LPP: variants seen among roughly 807,000 people sequenced by gnomAD.
LPP encodes LIM domain containing preferred translocation partner in lipoma, also known as lipoma-preferred partner.
LPP carries 38 observed loss-of-function variants against 60.4 expected under a neutral mutation model. The ratio of observed to expected loss-of-function variants is 0.63; its 90% CI spans 0.49 to 0.83. The LOEUF is 0.83. LPP is among the 40% of genes least tolerant of loss of function. The pLI is 0.00. For synonymous variants in LPP, 328 were observed against 290.8 expected (o/e 1.13, Z -1.30); for missense variants, 902 against 783.6 (o/e 1.15, Z -1.80).
Position 188,483,567 on chromosome 3 carries a change from C to CA in LPP, c.194-1024dup, listed in dbSNP as rs1380393146. On this transcript the variant is annotated intron_variant, in intron 4 of 11. Coordinates refer to ENST00000617246, the MANE Select transcript of LPP (RefSeq NM_001375462.1). ...GGTAGAAGTTTCTGTTTCCCCAATA[C>CA]AGTTTTTTGCAGACTATTTAAAAAG... Among the ~76,000 whole-genome samples the CA allele has an allele frequency of 2.0e-5, 3 of 152,164 alleles. No homozygotes were observed. The South Asian group carries it at 6.2e-4, about 32-fold the overall frequency.
At chr3:188,796,689 C>T (rs73888905) in intron 9 of LPP, among the ~76,000 whole-genome samples, 2,825 of 152,226 alleles carry the variant, frequency 0.019, 84 homozygotes, top group African/African-American at 0.063. Context: ...AATAGGAGCC[C>T]AGTCTGCATT....
rs117152915 is a variant in LPP, at chr3:188,212,420, G to A, written c.-189-12985G>A. ...AGGGTTGAGAATCCACTTCTTTAGC[G>A]GTTAATAATTTACTCCGAGTAAGGA... is the stretch of plus-strand genomic sequence containing the variant. On this transcript the variant is annotated intron_variant, in intron 1 of 11. Transcript: ENST00000617246. Among the ~76,000 whole-genome samples the A allele has an allele frequency of 3.0e-4, 46 of 152,210 alleles. No individual in the cohort carries two copies. The East Asian group carries it at 6.0e-3, about 20-fold the overall frequency.
chr3:188,520,398 C>T (rs1818546812), intron 5 of LPP, among the ~76,000 whole-genome samples: 1 of 152,196 alleles, frequency 6.6e-6, no homozygotes, highest in Non-Finnish European at 1.5e-5. Flanking sequence ...ACTTTCTGTG[C>T]CGGGCCTTCT....
At chr3:188,717,605 A>G (rs948697052) in intron 8 of LPP, among the ~76,000 whole-genome samples, 1 of 152,038 alleles carries the variant, frequency 6.6e-6, no homozygotes, top group African/African-American at 2.4e-5. Context: ...GTTTCTCTCT[A>G]ACTTTTTGTT....
At chr3:188,720,592 AT>A (rs934582810) in intron 8 of LPP, among the ~76,000 whole-genome samples, 3 of 151,468 alleles carry the variant, frequency 2.0e-5, no homozygotes, top group African/African-American at 7.3e-5. Flanking sequence ...AAAGCAAAAA[AT>A]ATCCGAGGCA....
At chr3:188,755,132 A>G (rs1729712710) in intron 8 of LPP, among the ~76,000 whole-genome samples, 1 of 152,248 alleles carries the variant, frequency 6.6e-6, no homozygotes, top group Admixed American at 6.5e-5. Flanking sequence ...ATTGGCATAT[A>G]GAGCTTCAGT....
At chr3:188,804,789 A>G (rs928768846) in intron 9 of LPP, among the ~76,000 whole-genome samples, 2 of 152,030 alleles carry the variant, frequency 1.3e-5, no homozygotes, top group African/African-American at 4.8e-5. Flanking sequence ...ATTAAGAGAA[A>G]ACATTGAGTC....
intron 10 of LPP, among the ~76,000 whole-genome samples, chr3:188,869,963 T>A (rs1578080101): frequency 6.6e-6 from 1 of 152,270 alleles, no homozygotes; most frequent in East Asian, 1.9e-4. Context: ...TTCACCTAAA[T>A]GGTTATCTTT....
intron 9 of LPP, among the ~76,000 whole-genome samples, chr3:188,800,371 G>A (rs1290553314): frequency 3.4e-5 from 5 of 148,952 alleles, no homozygotes; most frequent in South Asian, 2.2e-4. Flanking sequence ...TCAGCCTCCC[G>A]AGTAGCTGGG....
chr3:188,244,443 T>C (rs1261252209), intron 2 of LPP, among the ~76,000 whole-genome samples: 5 of 152,200 alleles, frequency 3.3e-5, no homozygotes, highest in African/African-American at 2.4e-5. Context: ...GTCCTGCTTC[T>C]GCTACTAACC....
At chr3:188,213,729 C>T (rs1712243355) in intron 1 of LPP, among the ~76,000 whole-genome samples, 1 of 152,046 alleles carries the variant, frequency 6.6e-6, no homozygotes, top group African/African-American at 2.4e-5. Flanking sequence ...TTCTGCTCTC[C>T]TTTGCTCCCT....
chr3:188,319,346 G>A (rs1206199658), intron 2 of LPP, among the ~76,000 whole-genome samples: 1 of 152,130 alleles, frequency 6.6e-6, no homozygotes, highest in Non-Finnish European at 1.5e-5. Context: ...CAAAAATGTG[G>A]ATTTTTCAGT....
intron 6 of LPP, among the ~76,000 whole-genome samples, chr3:188,531,314 T>C (rs1215228920): frequency 2.0e-5 from 3 of 152,176 alleles, no homozygotes; most frequent in Non-Finnish European, 1.5e-5. Context: ...GTGATAGGGG[T>C]GCTGGTAGCA....
intron 2 of LPP, among the ~76,000 whole-genome samples, chr3:188,233,731 C>T (rs1720898571): frequency 6.6e-6 from 1 of 152,156 alleles, no homozygotes; most frequent in Non-Finnish European, 1.5e-5. Flanking sequence ...TCCTTCTACT[C>T]CTGTTTAAAT....
At chr3:188,771,563 A>G (rs12486779) in intron 9 of LPP, among the ~76,000 whole-genome samples, 23 of 95,174 alleles carry the variant, frequency 2.4e-4, no homozygotes, top group African/African-American at 3.9e-4. Context: ...AAAAAAAAAA[A>G]AAAGAAAGAA....
At chr3:188,761,708 A>C (rs1732419019) in intron 9 of LPP, among the ~76,000 whole-genome samples, 1 of 152,234 alleles carries the variant, frequency 6.6e-6, no homozygotes. Flanking sequence ...ACATAAAGAT[A>C]AACAAAGTAA....
At chr3:188,404,008 C>G (rs1185541963) in intron 3 of LPP, among the ~76,000 whole-genome samples, 2 of 152,136 alleles carry the variant, frequency 1.3e-5, no homozygotes, top group African/African-American at 4.8e-5. Flanking sequence ...TAGCATGTGT[C>G]CTGATTACCA....
chr3:188,475,847 G>C (rs1266140753), intron 4 of LPP, among the ~76,000 whole-genome samples: 1 of 152,184 alleles, frequency 6.6e-6, no homozygotes, highest in Non-Finnish European at 1.5e-5. Context: ...AGCTTGCAGT[G>C]AGCCGAGATT....
chr3:188,479,397 G>A (rs1804126733), intron 4 of LPP, among the ~76,000 whole-genome samples: 1 of 152,204 alleles, frequency 6.6e-6, no homozygotes, highest in East Asian at 1.9e-4. Context: ...CAGAATCTCT[G>A]GCTCCAGTGT....
Sources: allele counts gnomAD v4.1 joint callset (sites outside exome capture counted in the v4.1 genomes callset), GRCh38; gene constraint gnomAD v4.1.1; transcripts MANE v1.5; gene names NCBI Gene and HGNC (gene_info 2026-07-23, HGNC 2026-07-21).